Variants in PHF21A observed in about 807,000 individuals in gnomAD.
PHF21A encodes PHD finger protein 21A.
A neutral mutation model predicts 82.5 loss-of-function variants in PHF21A; 11 were observed. That is an observed-to-expected ratio of 0.13 (90% confidence interval 0.08 to 0.22). The LOEUF (loss-of-function observed/expected upper bound fraction) is 0.22. PHF21A is among the 10% of genes least tolerant of loss of function. PHF21A has a pLI of 1.00. For synonymous variants in PHF21A, 297 were observed against 302.8 expected (o/e 0.98, Z 0.20); for missense variants, 579 against 837.8 (o/e 0.69, Z 3.81).
intron 6 of PHF21A, among the ~76,000 whole-genome samples, chr11:45,992,405 T>C (rs1416428937): frequency 6.7e-6 from 1 of 149,014 alleles, no homozygotes; most frequent in Admixed American, 6.7e-5. Context: ...CCAGGCATGG[T>C]GGCGGGCGCC....
chr11:46,119,615 C>A (rs1010456966), intron 1 of PHF21A: 4 of 152,184 alleles, frequency 2.6e-5, no homozygotes, highest in African/African-American at 9.7e-5. Context: ...GGCCTGTGGC[C>A]TTCTCCGGGG....
chr11:45,955,898 T>C (rs1041611458), intron 10 of PHF21A, among the ~76,000 whole-genome samples: 1 of 152,200 alleles, frequency 6.6e-6, no homozygotes, highest in African/African-American at 2.4e-5. Flanking sequence ...CAGATGTGGA[T>C]TATTAAGCTG....
Position 46,090,434 on chromosome 11 carries a change from TACAA to T in PHF21A, c.-84+17_-84+20del, listed in dbSNP as rs1478149507. 6.6e-6 allele frequency: 1 copy of T among 152,116 alleles called. No homozygotes were observed. The highest frequency in any genetic ancestry group is 1.5e-5 in the Non-Finnish European group (1 of 68,010). 9.4% of individuals were successfully genotyped at this position (152,116 alleles called of 1,614,324 possible). A position where few individuals can be genotyped will look rare whatever the true frequency, so the allele number is the denominator to read the frequency against. The stretch of plus-strand genomic sequence containing the variant: ...AAGGAAGAACTAAGGATAAGAGTCG[TACAA>T]AAAAGGAATGGGTTACCTTATGAGG... On this transcript the variant is annotated intron_variant, in intron 3 of 18. Transcript: ENST00000676320.
chr11:45,993,634 C>T (rs548344689), intron 6 of PHF21A, among the ~76,000 whole-genome samples: 9 of 151,576 alleles, frequency 5.9e-5, no homozygotes, highest in South Asian at 2.1e-4. Flanking sequence ...ATGCAGAGTA[C>T]ACTAGTATGG....
intron 15 of PHF21A, among the ~76,000 whole-genome samples, chr11:45,943,445 G>A (rs1183308584): frequency 6.6e-6 from 1 of 152,090 alleles, no homozygotes; most frequent in African/African-American, 2.4e-5. Context: ...CTCCCAAAGT[G>A]TTGGGATTTA....
At chr11:45,948,639 T>A (rs2091655903) in intron 14 of PHF21A, among the ~76,000 whole-genome samples, 2 of 152,268 alleles carry the variant, frequency 1.3e-5, no homozygotes, top group Non-Finnish European at 2.9e-5. Context: ...GCAGAAATGC[T>A]ACATTAAGCC....
intron 6 of PHF21A, among the ~76,000 whole-genome samples, chr11:46,025,697 A>C (rs1259259138): frequency 1.3e-5 from 2 of 152,178 alleles, no homozygotes; most frequent in African/African-American, 4.8e-5. Context: ...AATTCCCCAA[A>C]AATGTTATCT....
intron 9 of PHF21A, among the ~76,000 whole-genome samples, chr11:45,968,650 C>T (rs1379831703): frequency 1.3e-5 from 2 of 152,096 alleles, no homozygotes; most frequent in African/African-American, 4.8e-5. Flanking sequence ...GCAGGCAGGC[C>T]GGGCGCGGTG....
chr11:46,037,584 G>A lies in PHF21A; in HGVS notation c.153+39170C>T, dbSNP rs1356998342. Among the ~76,000 whole-genome samples the A allele has an allele frequency of 4.0e-5, 6 of 151,394 alleles. No individual in the cohort carries two copies. The South Asian group carries it at 6.3e-4, about 16-fold the overall frequency. ...TGAATCCGGGAGCCGCCTCTGTTGC[G>A]GTGAGCCGAGATCGTGCCAGCGCAC... is the stretch of plus-strand genomic sequence containing the variant. On this transcript the variant is annotated intron_variant, in intron 6 of 18. Transcript: ENST00000676320.
At chr11:46,007,725 C>T (rs1167631151) in intron 6 of PHF21A, among the ~76,000 whole-genome samples, 2 of 152,048 alleles carry the variant, frequency 1.3e-5, no homozygotes, top group Non-Finnish European at 2.9e-5. Flanking sequence ...TAATTTAAAT[C>T]AAAAAACGAT....
chr11:46,063,782 G>A (rs1424164525), intron 6 of PHF21A, among the ~76,000 whole-genome samples: 2 of 152,162 alleles, frequency 1.3e-5, no homozygotes, highest in African/African-American at 4.8e-5. Flanking sequence ...AGGAACTGAT[G>A]AGGCTTAGGG....
At chr11:46,004,161 A>G (rs2095231292) in intron 6 of PHF21A, among the ~76,000 whole-genome samples, 2 of 152,330 alleles carry the variant, frequency 1.3e-5, no homozygotes, top group East Asian at 3.8e-4. Flanking sequence ...TCATTTAAAA[A>G]TGTTTAAATT....
At chr11:45,967,615 T>G (rs1198560222) in intron 9 of PHF21A, among the ~76,000 whole-genome samples, 2 of 152,212 alleles carry the variant, frequency 1.3e-5, no homozygotes, top group East Asian at 3.9e-4. Flanking sequence ...TGAGCTATCC[T>G]TGGACAGCTG....
chr11:45,971,890 C>CTTTTTTTTTTTTTTTTTT (rs377734291), intron 7 of PHF21A, among the ~76,000 whole-genome samples: 38 of 50,270 alleles, frequency 7.6e-4, no homozygotes, highest in Middle Eastern at 9.6e-3. Context: ...CTTTTTCTTT[C>CTTTTTTTTTTTTTTTTTT]TTTTTTTTTT....
Position 46,008,720 on chromosome 11 carries a change from T to C in PHF21A, c.154-28754A>G, listed in dbSNP as rs536337607. On this transcript the variant is annotated intron_variant, in intron 6 of 18. Transcript: ENST00000676320. ...TAAAAGGAAAATAATAATATATGTT[T>C]TACATATCTCATATAAATAAATCTG... is the stretch of plus-strand genomic sequence containing the variant. 1.2e-4 allele frequency among the ~76,000 whole-genome samples: 18 copies of C among 152,330 alleles called. No homozygotes were observed. In the South Asian group the frequency reaches 3.7e-3, roughly 32 times the overall value.
intron 6 of PHF21A, among the ~76,000 whole-genome samples, chr11:46,040,533 A>C (rs2096111948): frequency 6.6e-6 from 1 of 152,166 alleles, no homozygotes; most frequent in Non-Finnish European, 1.5e-5. Context: ...CTCTGAGAGT[A>C]AAAGACTGGA....
intron 9 of PHF21A, among the ~76,000 whole-genome samples, chr11:45,967,367 T>TA (rs66525187): frequency 3.3e-4 from 48 of 145,220 alleles, no homozygotes; most frequent in Middle Eastern, 3.5e-3. Context: ...GACCCTGTCT[T>TA]AAAAAAAAAA....
intron 6 of PHF21A, among the ~76,000 whole-genome samples, chr11:46,010,487 C>T (rs1347444742): frequency 6.6e-6 from 1 of 152,206 alleles, no homozygotes; most frequent in African/African-American, 2.4e-5. Context: ...TGTTTCCTGA[C>T]TCTAATGCCT....
At chr11:46,114,468 T>C (rs2097263485) in intron 1 of PHF21A, among the ~76,000 whole-genome samples, 1 of 152,194 alleles carries the variant, frequency 6.6e-6, no homozygotes, top group African/African-American at 2.4e-5. Flanking sequence ...GGCACACAAA[T>C]TTAACGCAAT....
Sources: gnomAD v4.1 joint callset for allele counts (sites outside exome capture counted in the v4.1 genomes callset) on GRCh38, gnomAD v4.1.1 for gene constraint, MANE v1.5 for transcripts, NCBI Gene and HGNC (gene_info 2026-07-23, HGNC 2026-07-21) for gene names.